The following FER variants were observed in gnomAD, a reference collection of about 807,000 sequenced individuals.
The protein encoded by FER is FER tyrosine kinase.
FER carries 63 observed loss-of-function variants against 111.0 expected under a neutral mutation model. That is an observed-to-expected ratio of 0.57 (90% CI 0.46 to 0.70). FER has a LOEUF of 0.70. FER is among the 30% of genes least tolerant of loss of function. The pLI is 0.00. For missense variants in FER, 914 were observed against 954.0 expected (o/e 0.96, Z 0.55); for synonymous variants, 327 against 313.9 (o/e 1.04, Z -0.44).
At chr5:108,910,897 A>G (rs965416367) in intron 10 of FER, among the ~76,000 whole-genome samples, 2 of 151,912 alleles carry the variant, frequency 1.3e-5, no homozygotes, top group Admixed American at 6.6e-5. Context: ...CTATTGGTGG[A>G]TATTTAGGTT....
chr5:109,096,195 GA>G (rs1468803054), intron 16 of FER, among the ~76,000 whole-genome samples: 1 of 151,948 alleles, frequency 6.6e-6, no homozygotes, highest in Non-Finnish European at 1.5e-5. Context: ...AAATCTTTGA[GA>G]AACAGTTGTT....
chr5:108,888,829 A>G (rs1230704617), intron 9 of FER, among the ~76,000 whole-genome samples: 2 of 151,924 alleles, frequency 1.3e-5, no homozygotes, highest in Admixed American at 6.6e-5. Context: ...GAATTTTTCT[A>G]ATTGATTTCA....
chr5:109,138,830 G>T (rs1020642834), intron 17 of FER, among the ~76,000 whole-genome samples: 1 of 152,152 alleles, frequency 6.6e-6, no homozygotes, highest in Non-Finnish European at 1.5e-5. Flanking sequence ...TGCCAAGGAA[G>T]GGGTTGAATA....
At position 109,187,510 on chromosome 5, in the gene FER, G is replaced by T; in HGVS notation, c.2404G>T (p.Glu802Ter). 1 of 1,614,064 alleles carries T rather than the reference G, an allele frequency of 6.2e-7. No homozygotes were observed. The highest frequency in any genetic ancestry group is 8.5e-7 in the Non-Finnish European group (1 of 1,179,988). Reference sequence around the variant, plus strand: ...GATGAAGTGTTGGGATTATAAACCTGAAAATCGCCCTAAGTTCAGTGAACT... The same window carrying T: ...GATGAAGTGTTGGGATTATAAACCTTAAAATCGCCCTAAGTTCAGTGAACT... Reference protein sequence around the residue: ...IMMKCWDYKPENRPKFSELQK... With the variant: ...IMMKCWDYKP Residue 802 changes from glutamate to a stop codon, truncating the protein, a stop_gained, in exon 20 of 20, where the codon GAA becomes TAA. Coordinates refer to ENST00000281092, the MANE Select transcript of FER (RefSeq NM_005246.4). LOFTEE classifies it high-confidence loss of function.
intron 3 of FER, among the ~76,000 whole-genome samples, chr5:108,800,608 C>T (rs1011613787): frequency 5.3e-5 from 8 of 152,194 alleles, no homozygotes; most frequent in Non-Finnish European, 8.8e-5. Context: ...CCACCTTGGC[C>T]TCCCAAAGAT....
chr5:109,125,955 T>A (rs1751664816), intron 17 of FER, among the ~76,000 whole-genome samples: 1 of 152,148 alleles, frequency 6.6e-6, no homozygotes, highest in African/African-American at 2.4e-5. Flanking sequence ...AACTGCTACA[T>A]CCACAGATGG....
intron 2 of FER, among the ~76,000 whole-genome samples, chr5:108,779,158 G>A (rs917117073): frequency 7.2e-5 from 11 of 151,794 alleles, no homozygotes; most frequent in African/African-American, 2.4e-4. Context: ...CTGTTCTATC[G>A]GTCTATTTGT....
In FER at chr5:109,187,486, A is replaced by T; in HGVS notation, c.2380A>T (p.Met794Leu). ...TCCAGAGGATATTTCCAAAATCATG[A>T]TGAAGTGTTGGGATTATAAACCTGA... Reference protein sequence around the residue: ...HCPEDISKIMMKCWDYKPENR... With the variant: ...HCPEDISKIMLKCWDYKPENR... Residue 794 changes from methionine to leucine, a missense_variant, in exon 20 of 20, where the codon ATG (methionine) becomes TTG (leucine). By Grantham distance (15) the Met-to-Leu change is conservative (BLOSUM62 2). This residue lies in a region of FER where 134 missense variants were observed against 149.4 expected (regional missense o/e 0.90). Transcript: ENST00000281092. 4 of 1,614,120 alleles carry T rather than the reference A, an allele frequency of 2.5e-6. No homozygotes were observed. The highest frequency in any genetic ancestry group is 3.3e-4 in the Middle Eastern group (2 of 6,060).
At chr5:108,788,685 C>G (rs1755023489) in intron 2 of FER, among the ~76,000 whole-genome samples, 1 of 151,244 alleles carries the variant, frequency 6.6e-6, no homozygotes, top group African/African-American at 2.5e-5. Context: ...CTCTGCTTTT[C>G]TGTCAACATT....
At chr5:109,156,887 G>T (rs1365480189) in intron 17 of FER, among the ~76,000 whole-genome samples, 3 of 152,004 alleles carry the variant, frequency 2.0e-5, no homozygotes, top group Non-Finnish European at 4.4e-5. Context: ...AAGAAAGGAG[G>T]TGAAGTAATA....
At chr5:109,002,012 A>G (rs1256707867) in intron 13 of FER, among the ~76,000 whole-genome samples, 2 of 152,066 alleles carry the variant, frequency 1.3e-5, no homozygotes, top group African/African-American at 4.8e-5. Context: ...GCTCATGGGT[A>G]GGAAGAATCA....
intron 14 of FER, among the ~76,000 whole-genome samples, chr5:109,037,779 T>A (rs1770603795): frequency 6.6e-6 from 1 of 151,996 alleles, no homozygotes; most frequent in South Asian, 2.1e-4. Flanking sequence ...ACTAGTGAAC[T>A]GAGATTTGAA....
At chr5:108,881,266 C>G (rs1219613318) in intron 8 of FER, among the ~76,000 whole-genome samples, 1 of 152,054 alleles carries the variant, frequency 6.6e-6, no homozygotes, top group African/African-American at 2.4e-5. Context: ...CTTACAGTTC[C>G]CCATAGCTTG....
intron 5 of FER, among the ~76,000 whole-genome samples, chr5:108,861,125 A>T (rs531953518): frequency 6.6e-6 from 1 of 152,318 alleles, no homozygotes; most frequent in East Asian, 1.9e-4. Context: ...AGAAAGGAAA[A>T]TTGTAAGGTG....
At chr5:108,979,002 T>C (rs1761729225) in intron 13 of FER, among the ~76,000 whole-genome samples, 1 of 152,210 alleles carries the variant, frequency 6.6e-6, no homozygotes, top group African/African-American at 2.4e-5. Flanking sequence ...AGTGATTTCT[T>C]GTGTGTGTCA....
chr5:108,803,787 T>C (rs1756920085), intron 3 of FER, among the ~76,000 whole-genome samples: 1 of 152,190 alleles, frequency 6.6e-6, no homozygotes, highest in Admixed American at 6.5e-5. Context: ...GGCTTTGTTC[T>C]CTTTACTTAG....
chr5:109,144,539 C>G (rs183022160), intron 17 of FER, among the ~76,000 whole-genome samples: 164 of 152,234 alleles, frequency 1.1e-3, no homozygotes, highest in African/African-American at 3.6e-3. Flanking sequence ...CTACATACAC[C>G]TATATCTGAT....
At chr5:108,908,469 A>T (rs1751091828) in intron 10 of FER, among the ~76,000 whole-genome samples, 2 of 152,188 alleles carry the variant, frequency 1.3e-5, no homozygotes, top group South Asian at 2.1e-4. Context: ...TTGGCATATA[A>T]ACCATCACAT....
At chr5:108,997,860 C>G (rs140995313) in intron 13 of FER, among the ~76,000 whole-genome samples, 1,785 of 152,242 alleles carry the variant, frequency 0.012, 17 homozygotes, top group Non-Finnish European at 0.02. Context: ...GGCAGTCTGG[C>G]CACAGTGGCC....
Sources: gnomAD v4.1 joint callset for allele counts (sites outside exome capture counted in the v4.1 genomes callset) on GRCh38, gnomAD v4.1.1 for gene constraint, gnomAD v4.1.1 regional missense constraint, MANE v1.5 for transcripts, NCBI Gene and HGNC (gene_info 2026-07-23, HGNC 2026-07-21) for gene names.